The following SLC18B1 variants were observed in gnomAD, a reference collection of about 807,000 sequenced individuals.
SLC18B1 encodes solute carrier family 18 member B1, also known as MFS-type transporter SLC18B1.
Under a neutral mutation model 53.9 loss-of-function variants are expected in SLC18B1, and 62 were observed. That is an observed-to-expected ratio of 1.15 (90% CI 0.94 to 1.42). SLC18B1 has a LOEUF of 1.42. Ranked by LOEUF, SLC18B1 falls within the 40% of genes most tolerant of loss-of-function variation. SLC18B1 has a pLI of 0.00. For missense variants in SLC18B1, 598 were observed against 547.3 expected, an observed-to-expected ratio of 1.09 and a Z score of -0.93; for synonymous variants, 217 against 200.9, an observed-to-expected ratio of 1.08 and a Z score of -0.68.
At chr6:132,795,327 C>T (rs1582875726) in intron 2 of SLC18B1, among the ~76,000 whole-genome samples, 1 of 152,130 alleles carries the variant, frequency 6.6e-6, no homozygotes, top group East Asian at 1.9e-4. Flanking sequence ...ACATCCCATG[C>T]TTAGCCTGCT....
Position 132,776,449 on chromosome 6 carries a change from T to A in SLC18B1, c.796-20A>T. 6.3e-7 allele frequency: 1 copy of A among 1,575,286 alleles called. No individual in the cohort carries two copies. The highest frequency in any genetic ancestry group is 8.7e-7 in the Non-Finnish European group (1 of 1,149,278). Reference sequence around the variant, plus strand: ...ATTGAACTGTAAAAGAAATCCTATATTAAAGTTACATAATTAAGTCATTTT... The same window carrying A: ...ATTGAACTGTAAAAGAAATCCTATAATAAAGTTACATAATTAAGTCATTTT... On this transcript the variant is annotated intron_variant, in intron 7 of 13. Coordinates refer to ENST00000275227, the MANE Select transcript of SLC18B1 (RefSeq NM_052831.3).
chr6:132,782,249 T>G (rs1404785222), intron 6 of SLC18B1, among the ~76,000 whole-genome samples: 2 of 151,992 alleles, frequency 1.3e-5, no homozygotes, highest in African/African-American at 4.8e-5. Context: ...ACATTCACAT[T>G]TCATGGATTT....
intron 6 of SLC18B1, among the ~76,000 whole-genome samples, chr6:132,780,945 G>T (rs1222872666): frequency 6.6e-6 from 1 of 152,146 alleles, no homozygotes; most frequent in African/African-American, 2.4e-5. Context: ...AGAAACTGCA[G>T]GATGTAGTTG....
intron 2 of SLC18B1, among the ~76,000 whole-genome samples, chr6:132,795,353 A>AT (rs1781649345): frequency 1.3e-5 from 2 of 152,144 alleles, no homozygotes; most frequent in Non-Finnish European, 2.9e-5. Context: ...GAAGGGACTC[A>AT]TTAAACCTCT....
At chr6:132,771,640 C>G (rs1422337562) in intron 11 of SLC18B1, among the ~76,000 whole-genome samples, 1 of 152,156 alleles carries the variant, frequency 6.6e-6, no homozygotes, top group East Asian at 1.9e-4. Context: ...TTGGTATAGG[C>G]ATTGATTGTT....
intron 5 of SLC18B1, among the ~76,000 whole-genome samples, 182 bp downstream of exon 5, chr6:132,787,252 G>A (rs974896875): frequency 6.6e-6 from 1 of 152,164 alleles, no homozygotes; most frequent in African/African-American, 2.4e-5. Context: ...GAGCACCTAA[G>A]TGAAACCAAT....
In SLC18B1 at chr6:132,769,384, T is replaced by C. The variant is rs771750125; in HGVS notation, c.*886A>G. 21 of 152,182 alleles carry C rather than the reference T, an allele frequency of 1.4e-4. No individual in the cohort carries two copies. Among genetic ancestry groups the C allele is most frequent in the Non-Finnish European group, 2.5e-4 (17 of 68,036 alleles). 9.4% of individuals were successfully genotyped at this position (152,182 alleles called of 1,614,324 possible). A position where few individuals can be genotyped will look rare whatever the true frequency, so the allele number is the denominator to read the frequency against. ...ACCAAGAAGCATGAGAGTTACACAA[T>C]AGACATTTATTCACTTCAACATCAC... On this transcript the variant is annotated 3_prime_UTR_variant, in exon 14 of 14. Coordinates refer to ENST00000275227, the MANE Select transcript of SLC18B1 (RefSeq NM_052831.3).
rs759748149 is a variant in SLC18B1, at chr6:132,784,023, G to A, written c.568C>T (p.Gln190Ter). The change falls in exon 6 of 14, where the codon CAA becomes TAA. Residue 190 changes from glutamine to a stop codon, truncating the protein, a stop_gained. Coordinates refer to ENST00000275227, the MANE Select transcript of SLC18B1 (RefSeq NM_052831.3). LOFTEE classifies it high-confidence loss of function. ...LGPPVGGFLY[Q>*]SFGYEVPFIV... is the part of the protein sequence containing the mutation. Reference sequence around the variant, plus strand: ...AAAGGCACTTCATAGCCAAAGGATTGATACAAAAAGCCACCTACAGGAGGA... The same window carrying A: ...AAAGGCACTTCATAGCCAAAGGATTAATACAAAAAGCCACCTACAGGAGGA... 2 of 1,610,186 alleles carry A rather than the reference G, an allele frequency of 1.2e-6. No individual in the cohort carries two copies. The highest frequency in any genetic ancestry group is 2.2e-5 in the East Asian group (1 of 44,582).
intron 8 of SLC18B1, among the ~76,000 whole-genome samples, chr6:132,775,337 T>C (rs1327959746): frequency 6.6e-6 from 1 of 152,238 alleles, no homozygotes; most frequent in Non-Finnish European, 1.5e-5. Context: ...TATTTTGTTA[T>C]AGTATCCTGA....
intron 2 of SLC18B1, among the ~76,000 whole-genome samples, chr6:132,794,061 A>G (rs974884509): frequency 1.3e-5 from 2 of 151,706 alleles, no homozygotes; most frequent in African/African-American, 4.8e-5. Context: ...ACTCACTCCA[A>G]TTCTTCTCCA....
At position 132,787,537 on chromosome 6, in the gene SLC18B1, C is replaced by T. The variant is rs1407718278; in HGVS notation, c.398G>A (p.Cys133Tyr). 2.5e-6 allele frequency: 4 copies of T among 1,610,196 alleles called. No individual in the cohort carries two copies. Among genetic ancestry groups the T allele is most frequent in the Admixed American group, 1.7e-5 (1 of 59,340 alleles). The change falls in exon 5 of 14, where the codon TGT becomes TAT. Residue 133 changes from cysteine (C) to tyrosine (Y), a missense_variant. By Grantham distance (194) the Cys-to-Tyr change is radical. Coordinates refer to ENST00000275227, the MANE Select transcript of SLC18B1 (RefSeq NM_052831.3). ...VPDGPVFIAM[C>Y]FLVRVMDAVS... ...TGCATCCATTACTCTCACTAGAAAA[C>T]ACATAGCAATAAATACTGGCCCATC...
In SLC18B1 at chr6:132,769,935, A is replaced by G. The variant is rs1272407329; in HGVS notation, c.*335T>C. On this transcript the variant is annotated 3_prime_UTR_variant, in exon 14 of 14. Coordinates refer to ENST00000275227, the MANE Select transcript of SLC18B1 (RefSeq NM_052831.3). The stretch of plus-strand genomic sequence containing the variant: ...AATCAGTGTACTTAGAATAAAAAAT[A>G]AACAGAGGAAATAAGAACTAACTCG... 5.5e-6 allele frequency: 1 copy of G among 182,110 alleles called. No homozygotes were observed. The highest frequency in any genetic ancestry group is 1.4e-4 in the East Asian group (1 of 6,906). The allele number at this position is 182,110 out of a possible 1,614,324, so 11.3% of individuals were successfully genotyped here.
intron 2 of SLC18B1, among the ~76,000 whole-genome samples, 173 bp downstream of exon 2, chr6:132,796,809 T>C (rs1781702736): frequency 1.3e-5 from 2 of 152,170 alleles, no homozygotes; most frequent in South Asian, 2.1e-4. Context: ...GGATTTTTTT[T>C]CCTGGTATCA....
intron 5 of SLC18B1, among the ~76,000 whole-genome samples, chr6:132,785,897 C>CAAAAAAAAAAAAAAAAAAAAAAAAAAA (rs71545048): frequency 1.8e-4 from 15 of 81,158 alleles, no homozygotes; most frequent in East Asian, 8.4e-4. Flanking sequence ...CCTGTCTCTA[C>CAAAAAAAAAAAAAAAAAAAAAAAAAAA]AAAAAAAAAA....
At chr6:132,781,102 T>C (rs1450927081) in intron 6 of SLC18B1, among the ~76,000 whole-genome samples, 1 of 152,174 alleles carries the variant, frequency 6.6e-6, no homozygotes, top group East Asian at 1.9e-4. Flanking sequence ...TTTTAATTGG[T>C]TACATTTATT....
chr6:132,773,140 T>A lies in SLC18B1; in HGVS notation c.990-52A>T, dbSNP rs750348402. ...ATACAAAAAGAAAAACATTAGCGTT[T>A]TAACAAACACAAAGCTTAATGCTAA... On this transcript the variant is annotated intron_variant, in intron 9 of 13. Transcript: ENST00000275227. 4.6e-6 allele frequency: 6 copies of A among 1,308,770 alleles called. No homozygotes were observed. The Admixed American group carries it at 1.1e-4, about 23-fold the overall frequency. The allele number at this position is 1,308,770 out of a possible 1,614,324, so 81.1% of individuals were successfully genotyped here.
intron 2 of SLC18B1, among the ~76,000 whole-genome samples, chr6:132,794,735 A>C (rs1781628916): frequency 6.6e-6 from 1 of 152,138 alleles, no homozygotes. Context: ...GGTGGCTCAC[A>C]CCTGTAATCC....
At chr6:132,790,152 A>AT in intron 3 of SLC18B1, 25 bp downstream of exon 3, 1 of 1,473,664 alleles carries the variant, frequency 6.8e-7, no homozygotes, top group South Asian at 1.3e-5. Flanking sequence ...AAAAATTAAG[A>AT]TGTGCATATG....
chr6:132,786,031 T>C (rs1781361776), intron 5 of SLC18B1, among the ~76,000 whole-genome samples: 1 of 151,996 alleles, frequency 6.6e-6, no homozygotes, highest in Admixed American at 6.6e-5. Context: ...CTAAAGACAT[T>C]AATGTGAACT....
Sources: gnomAD v4.1 joint callset for allele counts (sites outside exome capture counted in the v4.1 genomes callset) on GRCh38, gnomAD v4.1.1 for gene constraint, MANE v1.5 for transcripts, NCBI Gene and HGNC (gene_info 2026-07-23, HGNC 2026-07-21) for gene names.